The following CSMD1 variants were observed in gnomAD, a reference collection of about 807,000 sequenced individuals.
CSMD1 encodes CUB and sushi domain-containing protein 1.
Under a neutral mutation model 417.5 loss-of-function variants are expected in CSMD1, and 213 were observed. The ratio of observed to expected loss-of-function variants is 0.51; its 90% CI spans 0.46 to 0.57. The LOEUF (loss-of-function observed/expected upper bound fraction) is 0.57, where lower values mean the gene tolerates loss of function less well. CSMD1 is among the 20% of genes least tolerant of loss of function. CSMD1 has a pLI of 0.00. For synonymous variants in CSMD1, 2,862 were observed against 1,736.8 expected (o/e 1.65, Z -16.11); for missense variants, 6,923 against 4,529.7 (o/e 1.53, Z -15.17).
chr8:3,106,714 G>C (rs1487711904), intron 45 of CSMD1, 73 bp from the exon 46 acceptor site: 3 of 728,838 alleles, frequency 4.1e-6, no homozygotes, highest in Non-Finnish European at 7.0e-6. Context: ...GACACATGTA[G>C]GACTACTTAA....
intron 3 of CSMD1, among the ~76,000 whole-genome samples, chr8:4,172,171 T>C (rs545392205): frequency 8.0e-4 from 122 of 152,190 alleles, no homozygotes; most frequent in African/African-American, 1.7e-3. Flanking sequence ...GAAGTGTTTG[T>C]GCCTTTTAAT....
chr8:3,805,179 C>A (rs1335956777), intron 5 of CSMD1, among the ~76,000 whole-genome samples: 1 of 152,138 alleles, frequency 6.6e-6, no homozygotes, highest in Admixed American at 6.6e-5. Context: ...CCACAATATT[C>A]CCCAGGACTA....
chr8:3,761,469 T>A (rs1213913187), intron 5 of CSMD1, among the ~76,000 whole-genome samples: 5 of 151,644 alleles, frequency 3.3e-5, no homozygotes, highest in African/African-American at 1.2e-4. Context: ...CAGAAGAGTT[T>A]TCATTCAACA....
chr8:3,493,867 G>A (rs866853949), intron 10 of CSMD1, 141 bp from the exon 11 acceptor site: 3 of 569,570 alleles, frequency 5.3e-6, no homozygotes, highest in Non-Finnish European at 9.2e-6. Flanking sequence ...GCTTTAAGTA[G>A]TTACATGGAT....
intron 51 of CSMD1, among the ~76,000 whole-genome samples, chr8:3,020,159 T>G (rs966950206): frequency 6.6e-6 from 1 of 152,216 alleles, no homozygotes; most frequent in Non-Finnish European, 1.5e-5. Context: ...GGCCCTGTTA[T>G]GGGTTGATAA....
At chr8:3,194,901 C>T (rs1209979446) in intron 33 of CSMD1, among the ~76,000 whole-genome samples, 2 of 152,106 alleles carry the variant, frequency 1.3e-5, no homozygotes, top group South Asian at 2.1e-4. Context: ...GAGAGGAGAA[C>T]CCAGGTTAGA....
At chr8:4,762,940 G>C (rs1463400992) in intron 1 of CSMD1, among the ~76,000 whole-genome samples, 4 of 152,176 alleles carry the variant, frequency 2.6e-5, no homozygotes, top group African/African-American at 9.7e-5. Flanking sequence ...TAAAAGTCTA[G>C]ACTGGCTTAT....
chr8:3,715,976 T>C (rs1229562274), intron 6 of CSMD1, among the ~76,000 whole-genome samples: 2 of 152,228 alleles, frequency 1.3e-5, no homozygotes, highest in African/African-American at 4.8e-5. Context: ...ACGGTTCTCT[T>C]TGCATCTCTT....
rs537642533 is a variant in CSMD1, at chr8:4,195,065, C to G, written c.416-162966G>C. Among the ~76,000 whole-genome samples the G allele has an allele frequency of 8.5e-5, 13 of 152,294 alleles. No homozygotes were observed. In the East Asian group the frequency reaches 2.3e-3, roughly 27 times the overall value. ...TTAAAAATTACAAAGCAGTATTCAG[C>G]TGTTACGCCTAGAATTCTGCCCATG... On this transcript the variant is annotated intron_variant, in intron 3 of 69. Transcript: ENST00000635120.
At chr8:4,051,005 G>T (rs1469241289) in intron 3 of CSMD1, among the ~76,000 whole-genome samples, 1 of 152,044 alleles carries the variant, frequency 6.6e-6, no homozygotes, top group African/African-American at 2.4e-5. Flanking sequence ...CTACTTTTAA[G>T]GAGGAAGGAG....
chr8:4,464,719 T>C (rs1317020618), intron 2 of CSMD1, among the ~76,000 whole-genome samples: 1 of 152,152 alleles, frequency 6.6e-6, no homozygotes, highest in Non-Finnish European at 1.5e-5. Flanking sequence ...TTAATGTATC[T>C]ACACTGATTG....
intron 5 of CSMD1, among the ~76,000 whole-genome samples, chr8:3,980,060 C>G (rs566598621): frequency 2.0e-5 from 3 of 152,336 alleles, no homozygotes; most frequent in Admixed American, 1.3e-4. Context: ...GACAGACTCA[C>G]ACAAGTAACA....
chr8:3,549,548 G>C (rs996908923), intron 10 of CSMD1, among the ~76,000 whole-genome samples: 1 of 152,180 alleles, frequency 6.6e-6, no homozygotes, highest in African/African-American at 2.4e-5. Context: ...TTCATTCATG[G>C]ATGAATGGAT....
chr8:4,312,955 C>T (rs368982402), intron 3 of CSMD1, among the ~76,000 whole-genome samples: 1 of 152,068 alleles, frequency 6.6e-6, no homozygotes, highest in Admixed American at 6.5e-5. Context: ...AGAGGAAGAG[C>T]CCATAATTTG....
chr8:4,351,597 G>C (rs1231301824), intron 3 of CSMD1, among the ~76,000 whole-genome samples: 3 of 152,218 alleles, frequency 2.0e-5, no homozygotes, highest in South Asian at 2.1e-4. Context: ...AATCCTGAAA[G>C]AGACTTCAAC....
chr8:4,081,457 C>T (rs981740918), intron 3 of CSMD1, among the ~76,000 whole-genome samples: 1 of 152,136 alleles, frequency 6.6e-6, no homozygotes, highest in East Asian at 1.9e-4. Context: ...ACTCCAGCCA[C>T]GGTGTCATGG....
intron 10 of CSMD1, among the ~76,000 whole-genome samples, chr8:3,545,865 C>T (rs986414104): frequency 2.0e-5 from 3 of 152,168 alleles, no homozygotes; most frequent in African/African-American, 7.2e-5. Context: ...CAAAGTCAAG[C>T]AGTTGGTGCA....
intron 8 of CSMD1, among the ~76,000 whole-genome samples, chr8:3,589,879 T>A (rs554881216): frequency 6.6e-6 from 1 of 152,268 alleles, no homozygotes; most frequent in Non-Finnish European, 1.5e-5. Context: ...TTTTTCTCAA[T>A]TTTAGAAAAG....
intron 5 of CSMD1, among the ~76,000 whole-genome samples, chr8:3,984,862 G>A (rs533974791): frequency 6.6e-6 from 1 of 150,752 alleles, no homozygotes; most frequent in South Asian, 2.1e-4. Flanking sequence ...AGCCAGAAAT[G>A]AAGAGAAAGT....
Sources: allele counts gnomAD v4.1 joint callset (sites outside exome capture counted in the v4.1 genomes callset), GRCh38; gene constraint gnomAD v4.1.1; transcripts MANE v1.5; gene names NCBI Gene and HGNC (gene_info 2026-07-23, HGNC 2026-07-21).